Variants in CNGB1 observed in about 807,000 individuals in gnomAD.
CNGB1 encodes the protein cyclic nucleotide-gated channel beta-1.
Under a neutral mutation model 151.7 loss-of-function variants are expected in CNGB1, and 126 were observed. That is an observed-to-expected ratio of 0.83 (90% CI 0.72 to 0.96). The LOEUF (loss-of-function observed/expected upper bound fraction) is 0.96, where lower values mean the gene tolerates loss of function less well. Among genes scored for constraint, CNGB1 ranks in the 40% least tolerant of loss-of-function variants. The pLI is 0.00. For synonymous variants in CNGB1, 623 were observed against 635.1 expected (o/e 0.98, Z 0.29); for missense variants, 1,698 against 1,627.0 (o/e 1.04, Z -0.75).
chr16:57,886,721 C>G (rs936365047), intron 32 of CNGB1, among the ~76,000 whole-genome samples: 3 of 150,400 alleles, frequency 2.0e-5, no homozygotes, highest in African/African-American at 7.4e-5. Context: ...AAAGGACAGC[C>G]GTGAACAGAC....
chr16:57,965,662 A>ATACACATGACACC (rs1201820680), intron 2 of CNGB1, among the ~76,000 whole-genome samples: 3 of 152,024 alleles, frequency 2.0e-5, no homozygotes, highest in Non-Finnish European at 4.4e-5. Context: ...GTATATACAC[A>ATACACATGACACC]TTCACAGATG....
intron 29 of CNGB1, among the ~76,000 whole-genome samples, chr16:57,899,611 C>T (rs1399163471): frequency 6.6e-6 from 1 of 151,852 alleles, no homozygotes; most frequent in Non-Finnish European, 1.5e-5. Context: ...CTGCACTCCA[C>T]CCTGGGAGAG....
At chr16:57,888,218 G>A (rs1047873706) in intron 31 of CNGB1, 144 bp from the exon 32 acceptor site, 27 of 798,000 alleles carry the variant, frequency 3.4e-5, no homozygotes, top group East Asian at 1.1e-4. Context: ...TGGGCCAAGC[G>A]TCGTGTTAAG....
chr16:57,901,677 A>G, intron 27 of CNGB1, 52 bp from the exon 28 acceptor site: 2 of 1,488,840 alleles, frequency 1.3e-6, no homozygotes, highest in Non-Finnish European at 1.9e-6. Context: ...CCCACCCCAG[A>G]CATACATACC....
intron 31 of CNGB1, among the ~76,000 whole-genome samples, chr16:57,888,929 T>C (rs1391352877): frequency 6.6e-6 from 1 of 152,188 alleles, no homozygotes; most frequent in Non-Finnish European, 1.5e-5. Context: ...TGAGTGTCTG[T>C]ATATGCCAGG....
chr16:57,966,749 G>A (rs896250645), intron 2 of CNGB1, among the ~76,000 whole-genome samples: 14 of 152,094 alleles, frequency 9.2e-5, no homozygotes, highest in African/African-American at 3.4e-4. Flanking sequence ...ACGACCTGTG[G>A]GCCAAATCTA....
chr16:57,960,668 C>T (rs1962227110), intron 8 of CNGB1, 138 bp from the exon 9 acceptor site: 12 of 1,308,740 alleles, frequency 9.2e-6, no homozygotes, highest in South Asian at 3.8e-5. Flanking sequence ...TTCTGAATCC[C>T]GGCCCCCTCT....
rs565658156 is a variant in CNGB1 at position 57,916,122 on chromosome 16, C to T, written c.2217+7G>A. The T allele has an allele frequency of 6.2e-7, 1 of 1,613,964 alleles. No homozygotes were observed. Among genetic ancestry groups the T allele is most frequent in the East Asian group, 2.2e-5 (1 of 44,854 alleles). ...CAGACGCTAAACCTTGCATGCCCGG[C>T]ACACACCTTGAAGCGGCGAGACTTC... On this transcript the variant is annotated splice_region_variant and intron_variant, in intron 22 of 32. Transcript: ENST00000251102.
chr16:57,920,270 C>T (rs1283867971), intron 19 of CNGB1, 117 bp downstream of exon 19: 1 of 1,153,058 alleles, frequency 8.7e-7, no homozygotes, highest in African/African-American at 1.5e-5. Flanking sequence ...GGGATCTGGG[C>T]TTCTCTCATG....
At chr16:57,963,752 A>G (rs55835827) in intron 4 of CNGB1, among the ~76,000 whole-genome samples, 16,602 of 152,222 alleles carry the variant, frequency 0.11, 997 homozygotes, top group Non-Finnish European at 0.12. Flanking sequence ...GGCGCTCACT[A>G]TGCAGCTCTG....
At chr16:57,890,182 C>T (rs1480592709) in intron 31 of CNGB1, among the ~76,000 whole-genome samples, 4 of 152,166 alleles carry the variant, frequency 2.6e-5, no homozygotes, top group African/African-American at 9.7e-5. Flanking sequence ...CATCAAGGCT[C>T]CAGCAAAACT....
intron 12 of CNGB1, among the ~76,000 whole-genome samples, chr16:57,953,184 C>T (rs956541428): frequency 7.2e-5 from 11 of 152,324 alleles, no homozygotes; most frequent in African/African-American, 2.4e-4. Context: ...AAATGAGGTT[C>T]TGACCCTGGC....
chr16:57,903,907 G>A lies in CNGB1; in HGVS notation c.2709C>T (p.Tyr903=), dbSNP rs773455825. ...ACTTGGGGATCTTGTAGAAATTCAT[G>A]TACTTCACCGTGCTGTCCATGCAGC... ...YRSCMDSTVK[Y]MNFYKIPKSV... Residue 903 remains tyrosine, a synonymous_variant, in exon 27 of 33, where the codon TAC becomes TAT. Coordinates refer to ENST00000251102, the MANE Select transcript of CNGB1 (RefSeq NM_001297.5). 5 of 1,614,164 alleles carry A rather than the reference G, an allele frequency of 3.1e-6. No individual in the cohort carries two copies. Among genetic ancestry groups the A allele is most frequent in the Non-Finnish European group, 4.2e-6 (5 of 1,180,026 alleles).
chr16:57,912,028 C>T (rs1014305783), intron 24 of CNGB1, 153 bp from the exon 25 acceptor site: 14 of 960,618 alleles, frequency 1.5e-5, no homozygotes, highest in South Asian at 5.9e-5. Context: ...TTGAATGGGG[C>T]GTTGTCATGA....
intron 14 of CNGB1, among the ~76,000 whole-genome samples, chr16:57,945,701 G>A (rs1212251377): frequency 1.3e-5 from 2 of 152,228 alleles, no homozygotes; most frequent in Non-Finnish European, 2.9e-5. Flanking sequence ...TACGCTTACT[G>A]GCAGGGCTCT....
chr16:57,897,663 G>A (rs1960271456), intron 30 of CNGB1, 120 bp from the exon 31 acceptor site: 8 of 1,534,470 alleles, frequency 5.2e-6, no homozygotes, highest in South Asian at 1.1e-5. Context: ...ACCTTCCCCC[G>A]CCCCCATCCC....
intron 25 of CNGB1, among the ~76,000 whole-genome samples, chr16:57,908,476 T>C (rs1960618013): frequency 6.6e-6 from 1 of 152,246 alleles, no homozygotes; most frequent in Non-Finnish European, 1.5e-5. Context: ...CCGCTGGACC[T>C]TTCCTTCTTC....
At chr16:57,900,793 G>T (rs964986160) in intron 29 of CNGB1, among the ~76,000 whole-genome samples, 87 of 151,992 alleles carry the variant, frequency 5.7e-4, no homozygotes, top group African/African-American at 1.9e-3. Flanking sequence ...CCAGAAATCT[G>T]AATTTTTATA....
intron 16 of CNGB1, among the ~76,000 whole-genome samples, chr16:57,932,693 GC>G (rs1961389970): frequency 6.6e-6 from 1 of 150,942 alleles, no homozygotes; most frequent in East Asian, 2.0e-4. Flanking sequence ...CCATTCTCCT[GC>G]CTCAGCCTCC....
Sources: allele counts gnomAD v4.1 joint callset (sites outside exome capture counted in the v4.1 genomes callset), GRCh38; gene constraint gnomAD v4.1.1; transcripts MANE v1.5; gene names NCBI Gene and HGNC (gene_info 2026-07-23, HGNC 2026-07-21).